SELPLG: variants seen among roughly 807,000 people sequenced by gnomAD.
The protein encoded by SELPLG is selectin P ligand.
Under a neutral mutation model 1.1 loss-of-function variants are expected in SELPLG, and 2 were observed. That is an observed-to-expected ratio of 1.82 (90% confidence interval 0.74 to 5.71). The LOEUF (loss-of-function observed/expected upper bound fraction) is 5.71. Among genes scored for constraint, SELPLG ranks in the 30% most tolerant of loss-of-function variants. The pLI, the probability that SELPLG is intolerant of heterozygous loss-of-function variation, is 0.05. For missense variants in SELPLG, 478 were observed against 524.7 expected (o/e 0.91, Z 0.87); for synonymous variants, 230 against 221.2 (o/e 1.04, Z -0.35).
intron 1 of SELPLG, among the ~76,000 whole-genome samples, chr12:108,632,387 G>GGGGT (rs894817334): frequency 2.1e-5 from 2 of 95,384 alleles, no homozygotes; most frequent in African/African-American, 4.8e-5. Context: ...TCGACAATAT[G>GGGGT]GGGTGTGTGT....
In SELPLG at chr12:108,621,977, G is replaced by A. The variant is rs2031831303; in HGVS notation, c.*1092C>T. ...GTTTGGGGGGGACCAAACTCTGTGGGCCAAAACTGGGTAATGGAGGAAGTG... is the reference window on the plus strand; with the variant it reads ...GTTTGGGGGGGACCAAACTCTGTGGACCAAAACTGGGTAATGGAGGAAGTG... On this transcript the variant is annotated 3_prime_UTR_variant, in exon 2 of 2. Transcript: ENST00000550948. Among the ~76,000 whole-genome samples the A allele has an allele frequency of 6.6e-6, 1 of 152,206 alleles. No individual in the cohort carries two copies. Among genetic ancestry groups the A allele is most frequent in the South Asian group, 2.1e-4 (1 of 4,830 alleles).
At chr12:108,631,247 C>T (rs1178337428) in intron 1 of SELPLG, among the ~76,000 whole-genome samples, 1 of 152,100 alleles carries the variant, frequency 6.6e-6, no homozygotes, top group Non-Finnish European at 1.5e-5. Context: ...TTATCATCGC[C>T]CTTATGAAAG....
chr12:108,623,219 G>C lies in SELPLG; in HGVS notation c.1089C>G (p.Val363=). ...CATCAGGCAACAGGGATGAGATGCA[G>C]ACCATCTCGGTGGGGGAGTAATTAC... ...PVRNYSPTEM[V]CISSLLPDGG... The change falls in exon 2 of 2, where the codon GTC becomes GTG. Residue 363 remains valine, a synonymous_variant. Transcript: ENST00000550948. The C allele has an allele frequency of 1.2e-6, 2 of 1,614,130 alleles. No individual in the cohort carries two copies. The highest frequency in any genetic ancestry group is 1.7e-6 in the Non-Finnish European group (2 of 1,179,982).
At position 108,623,548 on chromosome 12, in the gene SELPLG, T is replaced by G. The variant is rs765047818; in HGVS notation, c.760A>C (p.Thr254Pro). 10 of 1,613,966 alleles carry G rather than the reference T, an allele frequency of 6.2e-6. No homozygotes were observed. In the Admixed American group the frequency reaches 1.0e-4, roughly 16 times the overall value. ...AGGGCCTCCATGGCTGCCAGTGGAG[T>G]GGTCTGTGCCTCCGTGGCTGTGGGT... Reference protein sequence around the residue: ...TQPTATEAQTTPLAAMEALST... With the variant: ...TQPTATEAQTPPLAAMEALST... Residue 254 changes from threonine to proline, a missense_variant, in exon 2 of 2, where the codon ACT becomes CCT. By Grantham distance (38) the Thr-to-Pro change is conservative. Coordinates refer to ENST00000550948, the MANE Select transcript of SELPLG (RefSeq NM_003006.4).
rs147460990 is a variant in SELPLG at position 108,623,591 on chromosome 12, C to T, written c.717G>A (p.Thr239=). 3.0e-3 allele frequency: 4,849 copies of T among 1,611,912 alleles called. 14 individuals carry two copies. The highest frequency in any genetic ancestry group is 3.8e-3 in the Non-Finnish European group (4,426 of 1,179,496). Reference sequence around the variant, plus strand: ...CTGTGGGTTGAGTGGTCTGTGCCTCCGTGGCTTCTGGTGCAGTGGTCTGTG... The same window carrying T: ...CTGTGGGTTGAGTGGTCTGTGCCTCTGTGGCTTCTGGTGCAGTGGTCTGTG... ...MEAQTTAPEA[T]EAQTTQPTAT... Residue 239 remains threonine (T), a synonymous_variant, in exon 2 of 2, where the codon ACG becomes ACA. Transcript: ENST00000550948.
At chr12:108,632,120 T>G in intron 1 of SELPLG, 4 of 596,148 alleles carry the variant, frequency 6.7e-6, no homozygotes, top group Non-Finnish European at 8.9e-6. Context: ...GGGCCCAGCC[T>G]AGCAACCCAG....
At chr12:108,630,296 T>C (rs191554561) in intron 1 of SELPLG, among the ~76,000 whole-genome samples, 138 of 152,288 alleles carry the variant, frequency 9.1e-4, no homozygotes, top group Non-Finnish European at 1.6e-3. Context: ...GGGCCCAGAC[T>C]CCAGCTCCAG....
chr12:108,628,479 AG>A (rs1453164273), intron 1 of SELPLG, among the ~76,000 whole-genome samples: 1 of 152,206 alleles, frequency 6.6e-6, no homozygotes, highest in Non-Finnish European at 1.5e-5. Context: ...CAGGGACTTT[AG>A]GAAGAAGCCA....
At chr12:108,624,760 G>A (rs1335405790) in intron 1 of SELPLG, among the ~76,000 whole-genome samples, 1 of 147,284 alleles carries the variant, frequency 6.8e-6, no homozygotes, top group Non-Finnish European at 1.5e-5. Context: ...CGCTATCTCA[G>A]CTCACTGCAA....
rs571183477 is a variant in SELPLG at position 108,623,275 on chromosome 12, G to A, written c.1033C>T (p.Leu345Phe). 3 of 1,614,094 alleles carry A rather than the reference G, an allele frequency of 1.9e-6. No homozygotes were observed. The highest frequency in any genetic ancestry group is 1.3e-5 in the African/African-American group (1 of 75,046). Residue 345 changes from leucine (L) to phenylalanine (F), a missense_variant, in exon 2 of 2, where the codon CTC (leucine) becomes TTC (phenylalanine). Coordinates refer to ENST00000550948, the MANE Select transcript of SELPLG (RefSeq NM_003006.4). Reference protein sequence around the residue: ...FVCTVVLAVRLSRKGHMYPVR... With the variant: ...FVCTVVLAVRFSRKGHMYPVR... ...GGGTACATGTGGCCCTTGCGGGAGAGGCGGACCGCCAGCACCACAGTGCAC... is the reference window on the plus strand; with the variant it reads ...GGGTACATGTGGCCCTTGCGGGAGAAGCGGACCGCCAGCACCACAGTGCAC...
chr12:108,630,716 T>C (rs577875085), intron 1 of SELPLG, among the ~76,000 whole-genome samples: 4 of 152,158 alleles, frequency 2.6e-5, no homozygotes, highest in Non-Finnish European at 5.9e-5. Flanking sequence ...GGGGTTGTTG[T>C]GGGTTGAAGA....
chr12:108,622,459 C>G lies in SELPLG; in HGVS notation c.*610G>C, dbSNP rs1234995707. The G allele has an allele frequency of 6.6e-6, 1 of 152,368 alleles. No individual in the cohort carries two copies. The highest frequency in any genetic ancestry group is 1.9e-4 in the East Asian group (1 of 5,192). 9.4% of individuals were successfully genotyped at this position (152,368 alleles called of 1,614,324 possible). ...CCCAAAGAAAGGTCTGCCCTTGGGC[C>G]CACGAAACCCATCCCAGCCCTCACA... On this transcript the variant is annotated 3_prime_UTR_variant, in exon 2 of 2. Transcript: ENST00000550948.
At chr12:108,630,258 T>C (rs940650762) in intron 1 of SELPLG, among the ~76,000 whole-genome samples, 3 of 152,142 alleles carry the variant, frequency 2.0e-5, no homozygotes, top group African/African-American at 4.8e-5. Flanking sequence ...GGGCCCCATC[T>C]AGGCTGTGTG....
rs1279095918 is a variant in SELPLG, at chr12:108,623,585, T to TGC, written c.721_722dup (p.Gln242HisfsTer77). On this transcript the variant is annotated frameshift_variant, in exon 2 of 2. Coordinates refer to ENST00000550948, the MANE Select transcript of SELPLG (RefSeq NM_003006.4). LOFTEE classifies it low-confidence loss of function (END_TRUNC). Reference sequence around the variant, plus strand: ...CCGTGGCTGTGGGTTGAGTGGTCTGTGCCTCCGTGGCTTCTGGTGCAGTGG... The same window carrying TGC: ...CCGTGGCTGTGGGTTGAGTGGTCTGTGCGCCTCCGTGGCTTCTGGTGCAGTGG... The TGC allele has an allele frequency of 1.2e-6, 2 of 1,613,292 alleles. No individual in the cohort carries two copies. The highest frequency in any genetic ancestry group is 8.5e-7 in the Non-Finnish European group (1 of 1,179,708).
chr12:108,626,749 C>T (rs915460495), intron 1 of SELPLG, among the ~76,000 whole-genome samples: 20 of 152,092 alleles, frequency 1.3e-4, no homozygotes, highest in Admixed American at 1.2e-3. Flanking sequence ...AATCCTCCTG[C>T]CTCGGCCTCT....
chr12:108,622,418 C>G lies in SELPLG; in HGVS notation c.*651G>C, dbSNP rs2031838550. 1 of 152,572 alleles carries G rather than the reference C, an allele frequency of 6.6e-6. No individual in the cohort carries two copies. The highest frequency in any genetic ancestry group is 1.5e-5 in the Non-Finnish European group (1 of 68,246). 9.5% of individuals were successfully genotyped at this position (152,572 alleles called of 1,614,324 possible). A position where few individuals can be genotyped will look rare whatever the true frequency, so the allele number is the denominator to read the frequency against. On this transcript the variant is annotated 3_prime_UTR_variant, in exon 2 of 2. Transcript: ENST00000550948. ...GGTCACTTGTCACTAGATGGAAGCT[C>G]CTTGGTCCACACAGTCCCAAAGAAA...
chr12:108,630,353 TG>T (rs1273746285), intron 1 of SELPLG, among the ~76,000 whole-genome samples: 1 of 152,180 alleles, frequency 6.6e-6, no homozygotes, highest in East Asian at 1.9e-4. Flanking sequence ...AAGATCCTCG[TG>T]GGGCTCCACG....
At chr12:108,632,312 A>G (rs2032072654) in intron 1 of SELPLG, among the ~76,000 whole-genome samples, 1 of 151,984 alleles carries the variant, frequency 6.6e-6, no homozygotes, top group East Asian at 1.9e-4. Context: ...TCAGAGATGG[A>G]AAAAAAAGGA....
chr12:108,628,058 G>T (rs531246993), intron 1 of SELPLG, among the ~76,000 whole-genome samples: 2 of 152,160 alleles, frequency 1.3e-5, no homozygotes, highest in South Asian at 4.2e-4. Flanking sequence ...CCCAGCCTGG[G>T]TGACAAAGCA....
Sources: allele counts gnomAD v4.1 joint callset (sites outside exome capture counted in the v4.1 genomes callset), GRCh38; gene constraint gnomAD v4.1.1; transcripts MANE v1.5; gene names NCBI Gene and HGNC (gene_info 2026-07-23, HGNC 2026-07-21).